The following PPP1R37 variants were observed in gnomAD, a reference collection of about 807,000 sequenced individuals.
PPP1R37 encodes leucine rich repeat containing 68.
In PPP1R37, 21 loss-of-function variants were observed where a neutral mutation model predicts 61.0. The observed-to-expected ratio is 0.34, with a 90% CI of 0.24 to 0.50. PPP1R37 has a LOEUF of 0.50. Ranked by LOEUF, PPP1R37 falls within the 20% of genes least tolerant of loss-of-function variation. The probability of loss-of-function intolerance (pLI) is 0.98; values close to 1 mark genes in which losing one functional copy is unlikely to be tolerated. For synonymous variants in PPP1R37, 443 were observed against 433.5 expected (o/e 1.02, Z -0.27); for missense variants, 910 against 952.7 (o/e 0.96, Z 0.59).
rs114568598 is a variant in PPP1R37, at chr19:45,107,327, C to T, written c.202+13800C>T. Among the ~76,000 whole-genome samples the T allele has an allele frequency of 7.3e-3, 1,115 of 152,118 alleles. 13 individuals carry two copies. The highest frequency in any genetic ancestry group is 0.025 in the African/African-American group (1,024 of 41,494). On this transcript the variant is annotated intron_variant, in intron 1 of 12. Transcript: ENST00000221462. The stretch of plus-strand genomic sequence containing the variant: ...TCTATTAAAAAAAAGGGGAGCCAGG[C>T]GCAGTGGCTCACAATTGTAATCCCA...
chr19:45,142,817 G>A (rs1968631470), intron 7 of PPP1R37: 1 of 252,512 alleles, frequency 4.0e-6, no homozygotes, highest in South Asian at 5.9e-5. Flanking sequence ...AGATGGGAGA[G>A]GAGGGAAGAC....
chr19:45,108,145 A>G (rs541134747), intron 1 of PPP1R37, among the ~76,000 whole-genome samples: 102 of 152,252 alleles, frequency 6.7e-4, no homozygotes, highest in African/African-American at 2.1e-3. Context: ...TTCTGTCGTC[A>G]TAGTCACCAC....
At chr19:45,126,393 G>A (rs1968405082) in intron 1 of PPP1R37, among the ~76,000 whole-genome samples, 1 of 152,190 alleles carries the variant, frequency 6.6e-6, no homozygotes, top group South Asian at 2.1e-4. Flanking sequence ...GATGCAGCAG[G>A]GAGGCCCAGG....
chr19:45,105,038 GGTTGGGTTTGGTGCCACTGTATTCCCC>G (rs1312058383), intron 1 of PPP1R37, among the ~76,000 whole-genome samples: 1 of 152,216 alleles, frequency 6.6e-6, no homozygotes, highest in Non-Finnish European at 1.5e-5. Flanking sequence ...GGCAGTGGTG[GGTTGGGTTTGGTGCCACTGTATTCCCC>G]AGTGCCCCAG....
intron 1 of PPP1R37, among the ~76,000 whole-genome samples, chr19:45,125,165 T>C (rs1431774894): frequency 6.6e-6 from 1 of 152,108 alleles, no homozygotes; most frequent in Non-Finnish European, 1.5e-5. Context: ...AAACAATATC[T>C]CTTTAATCTC....
At chr19:45,116,808 G>A (rs1183526817) in intron 1 of PPP1R37, among the ~76,000 whole-genome samples, 2 of 152,126 alleles carry the variant, frequency 1.3e-5, no homozygotes, top group African/African-American at 2.4e-5. Flanking sequence ...AGATTGGGAC[G>A]TGTCCAGTGA....
intron 1 of PPP1R37, among the ~76,000 whole-genome samples, chr19:45,114,328 T>C (rs912820483): frequency 2.0e-5 from 3 of 152,338 alleles, no homozygotes; most frequent in Admixed American, 2.0e-4. Flanking sequence ...CCACCTGCTC[T>C]CTGGAACACA....
Position 45,145,746 on chromosome 19 carries a change from C to T in PPP1R37, c.1690C>T (p.Arg564Trp), listed in dbSNP as rs867137597. 1.4e-5 allele frequency: 22 copies of T among 1,528,446 alleles called. No individual in the cohort carries two copies. The highest frequency in any genetic ancestry group is 1.1e-4 in the African/African-American group (8 of 72,902). The allele number at this position is 1,528,446 out of a possible 1,614,324, so 94.7% of individuals were successfully genotyped here. A position where few individuals can be genotyped will look rare whatever the true frequency, so the allele number is the denominator to read the frequency against. Residue 564 changes from arginine to tryptophan, a missense_variant, in exon 11 of 13, where the codon CGG (arginine) becomes TGG (tryptophan). By Grantham distance (101) the Arg-to-Trp change is moderately radical. Around this residue, in one of 3 missense-constraint regions of PPP1R37, gnomAD observed 549 missense variants for 505.1 expected, o/e 1.09. Transcript: ENST00000221462. ...EQRISVSSPG[R>W]GHKVFVVTRV... ...GCGGATTTCCGTGTCCAGCCCGGGCCGGGGCCACAAGGTGTTTGTGGTGAC... is the reference window on the plus strand; with the variant it reads ...GCGGATTTCCGTGTCCAGCCCGGGCTGGGGCCACAAGGTGTTTGTGGTGAC...
At chr19:45,124,690 G>A (rs1322595309) in intron 1 of PPP1R37, among the ~76,000 whole-genome samples, 1 of 152,072 alleles carries the variant, frequency 6.6e-6, no homozygotes, top group Non-Finnish European at 1.5e-5. Flanking sequence ...ACTGGGCTTG[G>A]TGGCTCACAC....
chr19:45,126,363 C>T (rs370824443), intron 1 of PPP1R37, among the ~76,000 whole-genome samples: 26 of 152,288 alleles, frequency 1.7e-4, no homozygotes, highest in African/African-American at 6.0e-4. Context: ...TCACCAAGCC[C>T]TCCCTGGGAA....
At chr19:45,102,854 G>A (rs185964575) in intron 1 of PPP1R37, among the ~76,000 whole-genome samples, 7 of 152,302 alleles carry the variant, frequency 4.6e-5, no homozygotes, top group South Asian at 2.1e-4. Context: ...TTACATAGCC[G>A]CCACAGCACC....
intron 1 of PPP1R37, among the ~76,000 whole-genome samples, chr19:45,102,157 T>C (rs776834541): frequency 6.6e-6 from 1 of 152,242 alleles, no homozygotes; most frequent in Non-Finnish European, 1.5e-5. Context: ...GGTCTCACAG[T>C]ACCCAGATCC....
intron 1 of PPP1R37, among the ~76,000 whole-genome samples, chr19:45,108,005 G>A (rs1323786352): frequency 6.6e-6 from 1 of 152,186 alleles, no homozygotes; most frequent in Non-Finnish European, 1.5e-5. Flanking sequence ...AAATCTTCAT[G>A]CTCATCACAC....
chr19:45,131,797 A>G (rs1425108983), intron 1 of PPP1R37, among the ~76,000 whole-genome samples: 3 of 152,170 alleles, frequency 2.0e-5, no homozygotes, highest in African/African-American at 7.2e-5. Context: ...AGTGGCTGCC[A>G]CCATCACCAC....
intron 7 of PPP1R37, 81 bp from the exon 8 acceptor site, chr19:45,143,439 AG>A (rs1968640239): frequency 1.3e-6 from 1 of 774,594 alleles, no homozygotes; most frequent in East Asian, 2.7e-5. Flanking sequence ...TCCTAAGCAG[AG>A]GGGGTTGCTC....
At chr19:45,113,293 A>G (rs2122721551) in intron 1 of PPP1R37, among the ~76,000 whole-genome samples, 1 of 152,352 alleles carries the variant, frequency 6.6e-6, no homozygotes, top group East Asian at 1.9e-4. Context: ...TATGGGGGCC[A>G]CTGTGGGCCT....
chr19:45,145,763 T>G lies in PPP1R37; in HGVS notation c.1707T>G (p.Phe569Leu). The G allele has an allele frequency of 6.6e-7, 1 of 1,521,164 alleles. No individual in the cohort carries two copies. The allele number at this position is 1,521,164 out of a possible 1,614,324, so 94.2% of individuals were successfully genotyped here. ...GCCCGGGCCGGGGCCACAAGGTGTTTGTGGTGACCCGGGTGGAGAGCCCGC... is the reference window on the plus strand; with the variant it reads ...GCCCGGGCCGGGGCCACAAGGTGTTGGTGGTGACCCGGGTGGAGAGCCCGC... ...VSSPGRGHKV[F>L]VVTRVESPPE... The change falls in exon 11 of 13, where the codon TTT becomes TTG. Residue 569 changes from phenylalanine (F) to leucine (L), a missense_variant. Physicochemically the swap from Phe to Leu is conservative, Grantham distance 22 (BLOSUM62 0). Around this residue, in one of 3 missense-constraint regions of PPP1R37, gnomAD observed 549 missense variants for 505.1 expected, o/e 1.09. Transcript: ENST00000221462.
At chr19:45,114,983 T>C (rs1968246623) in intron 1 of PPP1R37, among the ~76,000 whole-genome samples, 2 of 152,108 alleles carry the variant, frequency 1.3e-5, no homozygotes, top group South Asian at 4.1e-4. Context: ...TCTTGGGCCC[T>C]TGTGTTCTGA....
At chr19:45,100,488 C>T (rs1336761911) in intron 1 of PPP1R37, among the ~76,000 whole-genome samples, 1 of 152,082 alleles carries the variant, frequency 6.6e-6, no homozygotes, top group African/African-American at 2.4e-5. Flanking sequence ...AGGTAGGTGC[C>T]GTTTGCCCCA....
Sources: allele counts gnomAD v4.1 joint callset (sites outside exome capture counted in the v4.1 genomes callset), GRCh38; gene constraint gnomAD v4.1.1; regional missense constraint gnomAD v4.1.1; transcripts MANE v1.5; gene names NCBI Gene and HGNC (gene_info 2026-07-23, HGNC 2026-07-21).